Variants in ICE1 observed in about 807,000 individuals in gnomAD.
ICE1 encodes interactor of little elongation complex ELL subunit 1.
A neutral mutation model predicts 192.7 loss-of-function variants in ICE1; 64 were observed. That is an observed-to-expected ratio of 0.33 (90% CI 0.27 to 0.41). The LOEUF (loss-of-function observed/expected upper bound fraction) is 0.41. Among genes scored for constraint, ICE1 ranks in the 10% least tolerant of loss-of-function variants. ICE1 has a pLI of 1.00. For missense variants in ICE1, 2,708 were observed against 2,696.0 expected, an observed-to-expected ratio of 1.00 and a Z score of -0.10; for synonymous variants, 1,010 against 984.5, an observed-to-expected ratio of 1.03 and a Z score of -0.49.
In ICE1 at chr5:5,437,144, T is replaced by C. The variant is rs151277309; in HGVS notation, c.178+30T>C. The stretch of plus-strand genomic sequence containing the variant: ...CCTTTTACTGGCTTTTTCTGTTGAG[T>C]TTTGGAACTAACTTATGTTTAATTC... On this transcript the variant is annotated intron_variant, in intron 3 of 18. Transcript: ENST00000296564. 2.1e-5 allele frequency: 32 copies of C among 1,496,228 alleles called. No individual in the cohort carries two copies. The East Asian group carries it at 6.0e-4, about 28-fold the overall frequency. 92.7% of individuals were successfully genotyped at this position (1,496,228 alleles called of 1,614,324 possible).
intron 14 of ICE1, among the ~76,000 whole-genome samples, chr5:5,467,139 A>T (rs950607586): frequency 4.6e-5 from 7 of 152,236 alleles, no homozygotes; most frequent in Non-Finnish European, 1.0e-4. Flanking sequence ...AATTGAGTAT[A>T]TCCATCACTT....
At chr5:5,483,706 G>A (rs1189738463) in intron 17 of ICE1, among the ~76,000 whole-genome samples, 1 of 152,070 alleles carries the variant, frequency 6.6e-6, no homozygotes, top group Non-Finnish European at 1.5e-5. Context: ...CCACCTTTCT[G>A]CCCCAAAGAG....
At chr5:5,447,674 T>C in intron 8 of ICE1, 47 bp from the exon 9 acceptor site, 1 of 1,515,254 alleles carries the variant, frequency 6.6e-7, no homozygotes, top group East Asian at 2.4e-5. Flanking sequence ...CTAGAATGGC[T>C]GCACTTCTTA....
intron 1 of ICE1, among the ~76,000 whole-genome samples, chr5:5,426,970 C>T (rs143128302): frequency 1.3e-5 from 2 of 152,276 alleles, no homozygotes; most frequent in Admixed American, 1.3e-4. Context: ...CAATGGTAGG[C>T]AACCATATTG....
chr5:5,451,169 C>G (rs1405745575), intron 10 of ICE1, among the ~76,000 whole-genome samples: 1 of 152,050 alleles, frequency 6.6e-6, no homozygotes, highest in Non-Finnish European at 1.5e-5. Context: ...CACAAAAAAC[C>G]TCTCTTTGGT....
chr5:5,440,052 A>C (rs1001039689), intron 4 of ICE1, 139 bp downstream of exon 4: 4 of 476,222 alleles, frequency 8.4e-6, no homozygotes, highest in African/African-American at 8.1e-5. Context: ...TGCTGCTTTG[A>C]TGCTCATAAT....
chr5:5,462,309 T>G lies in ICE1; in HGVS notation c.2975T>G (p.Leu992Arg). ...CAAAGGCAGCCTCAGGCCACAGATCTGGACTCCAGTGGGACACATGGCAGT... is the reference window on the plus strand; with the variant it reads ...CAAAGGCAGCCTCAGGCCACAGATCGGGACTCCAGTGGGACACATGGCAGT... ...QKQRQPQATD[L>R]DSSGTHGSEM... is the part of the protein sequence containing the mutation. The change falls in exon 13 of 19, where the codon CTG becomes CGG. Residue 992 changes from leucine to arginine, a missense_variant. Transcript: ENST00000296564. The G allele has an allele frequency of 6.2e-7, 1 of 1,613,966 alleles. No individual in the cohort carries two copies. Among genetic ancestry groups the G allele is most frequent in the South Asian group, 1.1e-5 (1 of 91,084 alleles).
chr5:5,437,611 G>GT (rs1404606861), intron 3 of ICE1: 1 of 153,776 alleles, frequency 6.5e-6, no homozygotes, highest in African/African-American at 2.4e-5. Context: ...CATGAACGCT[G>GT]TGGGCAGTCA....
At chr5:5,468,693 G>A (rs1739065021) in intron 14 of ICE1, 135 bp from the exon 15 acceptor site, 1 of 503,848 alleles carries the variant, frequency 2.0e-6, no homozygotes, top group Non-Finnish European at 3.4e-6. Flanking sequence ...CCTCATCTGG[G>A]CTCCCCATTT....
At position 5,461,351 on chromosome 5, in the gene ICE1, C is replaced by A. The variant is rs1738772301; in HGVS notation, c.2017C>A (p.His673Asn). Residue 673 changes from histidine (H) to asparagine (N), a missense_variant, in exon 13 of 19, where the codon CAT becomes AAT. His to Asn is a moderately conservative substitution (Grantham distance 68, BLOSUM62 1). Around this residue, in one of 2 missense-constraint regions of ICE1, gnomAD observed 2,366 missense variants for 2,276.6 expected, o/e 1.04. Transcript: ENST00000296564. ...VFSTEPHHSE[H>N]KLQTKTLNTL... Reference sequence around the variant, plus strand: ...CTCTACTGAACCGCATCATTCAGAACATAAATTGCAAACTAAAACTTTAAA... The same window carrying A: ...CTCTACTGAACCGCATCATTCAGAAAATAAATTGCAAACTAAAACTTTAAA... 6.2e-7 allele frequency: 1 copy of A among 1,613,882 alleles called. No homozygotes were observed. Among genetic ancestry groups the A allele is most frequent in the East Asian group, 2.2e-5 (1 of 44,872 alleles).
chr5:5,439,834 T>A, intron 3 of ICE1, 61 bp from the exon 4 acceptor site: 4 of 1,146,380 alleles, frequency 3.5e-6, no homozygotes, highest in Non-Finnish European at 5.0e-6. Flanking sequence ...GTAAAGTGAG[T>A]TTTATCTCCA....
At chr5:5,447,945 G>T in intron 10 of ICE1, 48 bp downstream of exon 10, 1 of 1,418,508 alleles carries the variant, frequency 7.0e-7, no homozygotes, top group Non-Finnish European at 9.7e-7. Context: ...TGCTCTTAGT[G>T]GGTTGTGAGA....
chr5:5,480,828 C>T (rs536262026), intron 17 of ICE1, among the ~76,000 whole-genome samples: 24 of 152,258 alleles, frequency 1.6e-4, no homozygotes, highest in African/African-American at 4.1e-4. Flanking sequence ...AGATAAGTTA[C>T]CAAACAAGAG....
rs138441876 is a variant in ICE1, at chr5:5,441,965, G to A, written c.309+742G>A. On this transcript the variant is annotated intron_variant, in intron 5 of 18. Transcript: ENST00000296564. ...GGGTTATTTCTTTTAGGGCATGTTC[G>A]ATCTTTTTGGGTGATACTTATTAAG... is the stretch of plus-strand genomic sequence containing the variant. 5.5e-3 allele frequency among the ~76,000 whole-genome samples: 839 copies of A among 152,196 alleles called. 5 individuals carry two copies. The highest frequency in any genetic ancestry group is 0.01 in the Middle Eastern group (3 of 294).
rs1246251756 is a variant in ICE1 at position 5,462,163 on chromosome 5, T to C, written c.2829T>C (p.Ser943=). ...TAGATTTTAATTCTCCAGGTGGTTC[T>C]TCACCAGTAGAAAATTCTGATTGTT... ...RKLDFNSPGG[S]SPVENSDCST... Residue 943 remains serine (S), a synonymous_variant, in exon 13 of 19, where the codon TCT becomes TCC. Transcript: ENST00000296564. 1.1e-5 allele frequency: 17 copies of C among 1,613,432 alleles called. No individual in the cohort carries two copies. Among genetic ancestry groups the C allele is most frequent in the Non-Finnish European group, 1.4e-5 (17 of 1,179,506 alleles).
At chr5:5,455,501 A>C (rs1738558234) in intron 11 of ICE1, among the ~76,000 whole-genome samples, 1 of 152,152 alleles carries the variant, frequency 6.6e-6, no homozygotes, top group Non-Finnish European at 1.5e-5. Flanking sequence ...TTCTATATCA[A>C]TCAGCATTCT....
At chr5:5,467,398 T>C (rs1739020082) in intron 14 of ICE1, among the ~76,000 whole-genome samples, 1 of 152,182 alleles carries the variant, frequency 6.6e-6, no homozygotes, top group South Asian at 2.1e-4. Flanking sequence ...AGGACCACGA[T>C]GGATTTCTTC....
At chr5:5,447,022 A>G (rs1738245405) in intron 7 of ICE1, among the ~76,000 whole-genome samples, 1 of 152,194 alleles carries the variant, frequency 6.6e-6, no homozygotes, top group East Asian at 1.9e-4. Context: ...GCATTGAGAA[A>G]ATCGCCTCTC....
chr5:5,474,911 C>A (rs1739266708), intron 16 of ICE1, among the ~76,000 whole-genome samples: 1 of 152,176 alleles, frequency 6.6e-6, no homozygotes, highest in Non-Finnish European at 1.5e-5. Context: ...TCATGGCACT[C>A]CTGTATGAGA....
Sources: allele counts gnomAD v4.1 joint callset (sites outside exome capture counted in the v4.1 genomes callset), GRCh38; gene constraint gnomAD v4.1.1; regional missense constraint gnomAD v4.1.1; transcripts MANE v1.5; gene names NCBI Gene and HGNC (gene_info 2026-07-23, HGNC 2026-07-21).